The following MCM3 variants were observed in gnomAD, a reference collection of about 807,000 sequenced individuals.
The protein encoded by MCM3 is minichromosome maintenance complex component 3.
MCM3 carries 59 observed loss-of-function variants against 91.3 expected under a neutral mutation model. That is an observed-to-expected ratio of 0.65 (90% confidence interval 0.52 to 0.80). The LOEUF (loss-of-function observed/expected upper bound fraction) is 0.80, where lower values mean the gene tolerates loss of function less well. Ranked by LOEUF, MCM3 falls within the 30% of genes least tolerant of loss-of-function variation. The probability of loss-of-function intolerance (pLI) is 0.00; values close to 1 mark genes in which losing one functional copy is unlikely to be tolerated. For synonymous variants in MCM3, 383 were observed against 379.6 expected, an observed-to-expected ratio of 1.01 and a Z score of -0.10; for missense variants, 919 against 1,035.4, an observed-to-expected ratio of 0.89 and a Z score of 1.54.
At position 52,267,981 on chromosome 6, in the gene MCM3, C is replaced by G. The variant is rs780015943; in HGVS notation, c.1969-13G>C. ...CCTTCTCCAGAACCTAAGACCAAGG[C>G]AAGTGTGGCTGGGCTAGAGGGGTCA... On this transcript the variant is annotated splice_polypyrimidine_tract_variant and intron_variant, in intron 13 of 16. Coordinates refer to ENST00000596288, the MANE Select transcript of MCM3 (RefSeq NM_002388.6). The G allele has an allele frequency of 6.2e-7, 1 of 1,614,040 alleles. No homozygotes were observed. The highest frequency in any genetic ancestry group is 8.5e-7 in the Non-Finnish European group (1 of 1,179,936).
At position 52,273,853 on chromosome 6, in the gene MCM3, C is replaced by A; in HGVS notation, c.1438G>T (p.Asp480Tyr). 1 of 1,614,104 alleles carries A rather than the reference C, an allele frequency of 6.2e-7. No individual in the cohort carries two copies. The highest frequency in any genetic ancestry group is 1.1e-5 in the South Asian group (1 of 91,052). Reference sequence around the variant, plus strand: ...TGATCCAGCATGATGAAGAGCAAGTCAAATCGTGACAGCAGTGAGTCCTGT... The same window carrying A: ...TGATCCAGCATGATGAAGAGCAAGTAAAATCGTGACAGCAGTGAGTCCTGT... ...GLQDSLLSRF[D>Y]LLFIMLDQMD... Residue 480 changes from aspartate to tyrosine, a missense_variant, in exon 10 of 17, where the codon GAC becomes TAC. Asp to Tyr is a radical substitution (Grantham distance 160, BLOSUM62 -3). Coordinates refer to ENST00000596288, the MANE Select transcript of MCM3 (RefSeq NM_002388.6).
At chr6:52,282,514 G>T in intron 3 of MCM3, 139 bp downstream of exon 3, 1 of 701,190 alleles carries the variant, frequency 1.4e-6, no homozygotes. Context: ...TGTACACACT[G>T]AGCCCTCCAA....
intron 1 of MCM3, 139 bp from the exon 2 acceptor site, chr6:52,283,545 T>G: frequency 1.5e-6 from 1 of 664,760 alleles, no homozygotes; most frequent in Non-Finnish European, 2.8e-6. Flanking sequence ...GCTCATCAAT[T>G]TCTCCCTTTC....
At chr6:52,282,271 T>C (rs1766173762) in intron 3 of MCM3, 96 bp from the exon 4 acceptor site, 14 of 1,112,928 alleles carry the variant, frequency 1.3e-5, no homozygotes, top group Non-Finnish European at 8.0e-6. Context: ...CTCCAAATAC[T>C]GTGTTTTTTT....
chr6:52,283,987 C>A (rs1766406037), intron 1 of MCM3, among the ~76,000 whole-genome samples: 1 of 152,202 alleles, frequency 6.6e-6, no homozygotes, highest in Non-Finnish European at 1.5e-5. Flanking sequence ...AAAGGGTTCT[C>A]ATACCCCGAC....
In MCM3 at chr6:52,279,405, A is replaced by G; in HGVS notation, c.726T>C (p.Arg242=). The change falls in exon 5 of 17, where the codon CGT becomes CGC. Residue 242 remains arginine, a synonymous_variant. Coordinates refer to ENST00000596288, the MANE Select transcript of MCM3 (RefSeq NM_002388.6). ...GDRVQVVGTY[R]CLPGKKGGYT... ...AGCCTCCCTTCTTTCCAGGAAGGCA[A>G]CGGTAGGTTCCCACCACCTGAACCC... 1 of 1,614,172 alleles carries G rather than the reference A, an allele frequency of 6.2e-7. No individual in the cohort carries two copies. Among genetic ancestry groups the G allele is most frequent in the South Asian group, 1.1e-5 (1 of 91,080 alleles).
At chr6:52,272,473 T>C (rs765625316) in intron 11 of MCM3, 22 bp from the exon 12 acceptor site, 1 of 1,613,492 alleles carries the variant, frequency 6.2e-7, no homozygotes. Context: ...CACAGTGAAT[T>C]CCATCTCCCT....
In MCM3 at chr6:52,277,096, G is replaced by A. The variant is rs757850196; in HGVS notation, c.1136C>T (p.Thr379Met). The change falls in exon 8 of 17, where the codon ACG becomes ATG. Residue 379 changes from threonine (T) to methionine (M), a missense_variant. Thr to Met is a moderately conservative substitution (Grantham distance 81). Coordinates refer to ENST00000596288, the MANE Select transcript of MCM3 (RefSeq NM_002388.6). ...TGRGSSGVGL[T>M]AAVTTDQETG... ...TTCCTGGTCTGTGGTGACAGCAGCC[G>A]TCAGACCCACTCCAGAGGAGCCCCG... 19 of 1,613,860 alleles carry A rather than the reference G, an allele frequency of 1.2e-5. No individual in the cohort carries two copies. Among genetic ancestry groups the A allele is most frequent in the Admixed American group, 1.7e-5 (1 of 59,992 alleles).
At chr6:52,273,046 G>C (rs1765264223) in intron 11 of MCM3, among the ~76,000 whole-genome samples, 184 bp downstream of exon 11, 1 of 152,154 alleles carries the variant, frequency 6.6e-6, no homozygotes, top group Non-Finnish European at 1.5e-5. Context: ...CATTTACAAG[G>C]CAACTGGCCA....
At position 52,264,903 on chromosome 6, in the gene MCM3, T is replaced by C. The variant is rs968083642; in HGVS notation, c.2229-117A>G. 17 of 809,448 alleles carry C rather than the reference T, an allele frequency of 2.1e-5. No homozygotes were observed. The African/African-American group carries it at 2.7e-4, about 13-fold the overall frequency. 50.1% of individuals were successfully genotyped at this position (809,448 alleles called of 1,614,324 possible). ...CAGTAGAGGCGTCCCCTCAATATTC[T>C]TTCTCACACACACATCTGCCTCTGA... On this transcript the variant is annotated intron_variant, in intron 16 of 16. Coordinates refer to ENST00000596288, the MANE Select transcript of MCM3 (RefSeq NM_002388.6).
At position 52,282,815 on chromosome 6, in the gene MCM3, A is replaced by C. The variant is rs757401660; in HGVS notation, c.238T>G (p.Leu80Val). Residue 80 changes from leucine to valine, a missense_variant, in exon 3 of 17, where the codon TTA (leucine) becomes GTA (valine). By Grantham distance (32) the Leu-to-Val change is conservative. This residue lies in a region of MCM3 where 401 missense variants were observed against 402.7 expected (regional missense o/e 1.00). Transcript: ENST00000596288. ...TCAATGGAGGCCACAAAATCCTTTA[A>C]GGCCCGCTGGAAGGCAACCAGCTCC... ...FEELVAFQRA[L>V]KDFVASIDAT... 65 of 1,614,042 alleles carry C rather than the reference A, an allele frequency of 4.0e-5. No homozygotes were observed. Among genetic ancestry groups the C allele is most frequent in the Non-Finnish European group, 5.5e-5 (65 of 1,180,052 alleles).
chr6:52,265,231 A>G, intron 16 of MCM3: 2 of 402,570 alleles, frequency 5.0e-6, no homozygotes, highest in Non-Finnish European at 1.0e-5. Flanking sequence ...TTACCCATCC[A>G]TACCATGGAA....
intron 1 of MCM3, among the ~76,000 whole-genome samples, chr6:52,284,333 G>A (rs1294096415): frequency 6.6e-6 from 1 of 152,242 alleles, no homozygotes; most frequent in Non-Finnish European, 1.5e-5. Context: ...CAATCTGCTT[G>A]CACTTAATGG....
Position 52,272,458 on chromosome 6 carries a change from CCA to C in MCM3, c.1677-9_1677-8del, listed in dbSNP as rs1292854294. ...TGCACTCACCATCTTCTCCCTGGAGCCACACACAGTGAATTCCATCTCCCTGC... is the reference window on the plus strand; with the variant it reads ...TGCACTCACCATCTTCTCCCTGGAGCCACACAGTGAATTCCATCTCCCTGC... On this transcript the variant is annotated splice_polypyrimidine_tract_variant and splice_region_variant and intron_variant, in intron 11 of 16. Transcript: ENST00000596288. 3.0e-5 allele frequency: 48 copies of C among 1,613,850 alleles called. No homozygotes were observed. The highest frequency in any genetic ancestry group is 5.3e-5 in the African/African-American group (4 of 74,924).
intron 6 of MCM3, among the ~76,000 whole-genome samples, chr6:52,278,070 C>CAAAAAAAAAAAAAAAAAAAAAAAA (rs61625257): frequency 2.6e-5 from 1 of 38,962 alleles, no homozygotes; most frequent in Non-Finnish European, 4.1e-5. Context: ...TCCGTCTCAC[C>CAAAAAAAAAAAAAAAAAAAAAAAA]AAAAAAAAAA....
intron 4 of MCM3, among the ~76,000 whole-genome samples, chr6:52,281,068 G>A (rs1023457359): frequency 3.3e-5 from 5 of 152,166 alleles, no homozygotes; most frequent in African/African-American, 1.2e-4. Context: ...GGGGAGGAGA[G>A]GAATTGTTTG....
chr6:52,270,383 C>T (rs1007230440), intron 12 of MCM3, among the ~76,000 whole-genome samples: 4 of 151,608 alleles, frequency 2.6e-5, no homozygotes, highest in Non-Finnish European at 4.4e-5. Context: ...TCACACCTCC[C>T]GGGTCTCCCA....
chr6:52,265,767 G>A (rs971333742), intron 16 of MCM3, among the ~76,000 whole-genome samples: 1 of 151,894 alleles, frequency 6.6e-6, no homozygotes, highest in South Asian at 2.1e-4. Context: ...AGAAGAATCT[G>A]AGGTTACAGT....
intron 9 of MCM3, among the ~76,000 whole-genome samples, chr6:52,275,707 T>C (rs1306350678): frequency 3.3e-5 from 5 of 152,218 alleles, no homozygotes; most frequent in Admixed American, 3.3e-4. Flanking sequence ...AATACATCCC[T>C]GTGACGGAAT....
Sources: gnomAD v4.1 joint callset for allele counts (sites outside exome capture counted in the v4.1 genomes callset) on GRCh38, gnomAD v4.1.1 for gene constraint, gnomAD v4.1.1 regional missense constraint, MANE v1.5 for transcripts, NCBI Gene and HGNC (gene_info 2026-07-23, HGNC 2026-07-21) for gene names.